The following FRYL variants were observed in gnomAD, a reference collection of about 807,000 sequenced individuals.
FRYL encodes protein furry homolog-like.
FRYL carries 150 observed loss-of-function variants against 351.2 expected under a neutral mutation model. The observed-to-expected ratio is 0.43, with a 90% CI of 0.37 to 0.49. The LOEUF is 0.49. Ranked by LOEUF, FRYL falls within the 20% of genes least tolerant of loss-of-function variation. The pLI is 0.00. For synonymous variants in FRYL, 1,153 were observed against 1,257.1 expected (o/e 0.92, Z 1.75); for missense variants, 3,036 against 3,619.3 (o/e 0.84, Z 4.13).
At chr4:48,743,257 C>T (rs1772317644) in intron 1 of FRYL, among the ~76,000 whole-genome samples, 1 of 152,122 alleles carries the variant, frequency 6.6e-6, no homozygotes, top group African/African-American at 2.4e-5. Context: ...CTAGGTGTTA[C>T]TTTTCCTAGA....
rs781407347 is a variant in FRYL at position 48,595,654 on chromosome 4, C to G, written c.1184G>C (p.Arg395Pro). ...AGGTGTGTCACGAGGAACCACACTT[C>G]GTGAGCCTTTTGGAAAAAGTGCTGA... ...IVSALFPKGS[R>P]SVVPRDTPLN... Residue 395 changes from arginine to proline, a missense_variant, in exon 15 of 64, where the codon CGA becomes CCA. Physicochemically the swap from Arg to Pro is moderately radical, Grantham distance 103 (BLOSUM62 -2). Transcript: ENST00000358350. The G allele has an allele frequency of 6.2e-7, 1 of 1,613,510 alleles. No individual in the cohort carries two copies. The highest frequency in any genetic ancestry group is 1.1e-5 in the South Asian group (1 of 91,014).
chr4:48,497,949 A>G lies in FRYL; in HGVS notation c.*1473T>C, dbSNP rs1242766967. On this transcript the variant is annotated 3_prime_UTR_variant, in exon 64 of 64. Transcript: ENST00000358350. ...AAGAAAAGGTAAAGCTAAGCATTTC[A>G]TTTCTACATTCTAAACTCTGGAATC... 5.2e-5 allele frequency: 8 copies of G among 152,602 alleles called. No homozygotes were observed. The highest frequency in any genetic ancestry group is 1.0e-4 in the Non-Finnish European group (7 of 68,018). The allele number at this position is 152,602 out of a possible 1,614,324, so 9.5% of individuals were successfully genotyped here.
intron 2 of FRYL, among the ~76,000 whole-genome samples, chr4:48,689,462 G>A (rs1483783682): frequency 2.0e-5 from 3 of 152,100 alleles, no homozygotes; most frequent in African/African-American, 7.2e-5. Context: ...AGTACCAAGA[G>A]AAAATTTTTG....
chr4:48,758,314 T>C (rs1191709668), intron 1 of FRYL, among the ~76,000 whole-genome samples: 2 of 152,080 alleles, frequency 1.3e-5, no homozygotes, highest in Non-Finnish European at 2.9e-5. Context: ...TGAGAGGAAA[T>C]TTTTGCAATC....
At chr4:48,762,795 T>C (rs74578978) in intron 1 of FRYL, among the ~76,000 whole-genome samples, 1 of 152,176 alleles carries the variant, frequency 6.6e-6, no homozygotes, top group Non-Finnish European at 1.5e-5. Context: ...GCATGTCTCA[T>C]TTTTAGTTTT....
chr4:48,721,447 A>G (rs1398892503), intron 1 of FRYL, among the ~76,000 whole-genome samples: 2 of 151,958 alleles, frequency 1.3e-5, no homozygotes, highest in African/African-American at 2.4e-5. Context: ...GGATCACTTA[A>G]GCCCAAGAGT....
intron 3 of FRYL, among the ~76,000 whole-genome samples, chr4:48,639,567 A>G (rs1270579436): frequency 6.6e-6 from 1 of 152,132 alleles, no homozygotes; most frequent in African/African-American, 2.4e-5. Flanking sequence ...ATGTGAAATG[A>G]AAACTATTAA....
At chr4:48,733,215 C>A (rs1255042000) in intron 1 of FRYL, among the ~76,000 whole-genome samples, 1 of 151,556 alleles carries the variant, frequency 6.6e-6, no homozygotes, top group Non-Finnish European at 1.5e-5. Flanking sequence ...GTGGAGACTG[C>A]AGTGAGCCAA....
Position 48,593,160 on chromosome 4 carries a change from ACACC to A in FRYL, c.1335+766_1335+769del, listed in dbSNP as rs1743823209. 2.6e-5 allele frequency among the ~76,000 whole-genome samples: 4 copies of A among 151,744 alleles called. No homozygotes were observed. The South Asian group carries it at 6.2e-4, about 24-fold the overall frequency. ...GAAACAAATTTTTGTTTTTTCTATA[ACACC>A]TAGAACAGTGCCTGGCACATTTCAG... On this transcript the variant is annotated intron_variant, in intron 16 of 63. Coordinates refer to ENST00000358350, the MANE Select transcript of FRYL (RefSeq NM_015030.2).
At chr4:48,551,636 G>A (rs1732768980) in intron 36 of FRYL, 58 bp from the exon 37 acceptor site, 1 of 1,023,340 alleles carries the variant, frequency 9.8e-7, no homozygotes, top group Non-Finnish European at 1.5e-6. Context: ...AACCCAATAA[G>A]AACAAAAGAT....
At chr4:48,569,822 T>A (rs1737850247) in intron 27 of FRYL, among the ~76,000 whole-genome samples, 1 of 152,170 alleles carries the variant, frequency 6.6e-6, no homozygotes, top group Admixed American at 6.5e-5. Flanking sequence ...TTTTTTTTCC[T>A]TTTTGTTTCA....
chr4:48,704,644 TCTA>T (rs1767115165), intron 2 of FRYL, among the ~76,000 whole-genome samples: 1 of 151,824 alleles, frequency 6.6e-6, no homozygotes, highest in Non-Finnish European at 1.5e-5. Flanking sequence ...AAACCCTGTC[TCTA>T]CTAAAAAATA....
At chr4:48,662,473 T>C (rs1760943901) in intron 3 of FRYL, among the ~76,000 whole-genome samples, 5 of 151,844 alleles carry the variant, frequency 3.3e-5, no homozygotes, top group Admixed American at 6.6e-5. Context: ...AAATAAAATA[T>C]TATTCGAAAA....
intron 2 of FRYL, among the ~76,000 whole-genome samples, chr4:48,685,856 C>T (rs1446302034): frequency 2.0e-5 from 3 of 151,928 alleles, no homozygotes; most frequent in Admixed American, 2.0e-4. Context: ...CGGGTTCAAG[C>T]GATTCTCCTG....
intron 3 of FRYL, among the ~76,000 whole-genome samples, chr4:48,636,070 T>C (rs1033956409): frequency 8.5e-5 from 13 of 152,178 alleles, no homozygotes; most frequent in African/African-American, 3.1e-4. Flanking sequence ...TTGTGTCATA[T>C]CAAGTTAAAA....
intron 3 of FRYL, among the ~76,000 whole-genome samples, chr4:48,677,155 T>C (rs985565158): frequency 1.7e-4 from 26 of 152,294 alleles, no homozygotes; most frequent in African/African-American, 5.8e-4. Flanking sequence ...CTACTTAACA[T>C]TTAAAGAAAG....
chr4:48,616,424 A>AT (rs1749445174), intron 7 of FRYL, among the ~76,000 whole-genome samples: 2 of 152,216 alleles, frequency 1.3e-5, no homozygotes, highest in South Asian at 4.1e-4. Flanking sequence ...CTTTCCATGC[A>AT]TTAGGCGTTA....
intron 56 of FRYL, 27 bp downstream of exon 56, chr4:48,515,001 A>G: frequency 6.3e-7 from 1 of 1,593,670 alleles, no homozygotes; most frequent in Non-Finnish European, 8.6e-7. Context: ...TCCCCTCACT[A>G]CAGTGTTTAT....
At chr4:48,563,193 C>T (rs1735904221) in intron 31 of FRYL, among the ~76,000 whole-genome samples, 1 of 151,226 alleles carries the variant, frequency 6.6e-6, no homozygotes, top group South Asian at 2.1e-4. Context: ...TTAGAGCACA[C>T]GTGTTCAACC....
Sources: gnomAD v4.1 joint callset for allele counts (sites outside exome capture counted in the v4.1 genomes callset) on GRCh38, gnomAD v4.1.1 for gene constraint, MANE v1.5 for transcripts, NCBI Gene and HGNC (gene_info 2026-07-23, HGNC 2026-07-21) for gene names.